CCSER1: variants seen among roughly 807,000 people sequenced by gnomAD.
CCSER1 encodes serine-rich coiled-coil domain-containing protein 1.
A neutral mutation model predicts 82.0 loss-of-function variants in CCSER1; 41 were observed. That is an observed-to-expected ratio of 0.50 (90% CI 0.39 to 0.65). The LOEUF is 0.65. CCSER1 is among the 30% of genes least tolerant of loss of function. The pLI is 0.00. For missense variants in CCSER1, 1,119 were observed against 1,064.2 expected (o/e 1.05, Z -0.72); for synonymous variants, 414 against 383.9 (o/e 1.08, Z -0.92).
intron 9 of CCSER1, among the ~76,000 whole-genome samples, chr4:90,968,395 C>T (rs1254584353): frequency 6.6e-6 from 1 of 151,946 alleles, no homozygotes; most frequent in South Asian, 2.1e-4. Context: ...CATGTGTGCC[C>T]CCACAGATAG....
At chr4:90,913,625 A>G (rs1448074926) in intron 8 of CCSER1, among the ~76,000 whole-genome samples, 2 of 152,220 alleles carry the variant, frequency 1.3e-5, no homozygotes, top group Non-Finnish European at 2.9e-5. Flanking sequence ...TGACAGGATC[A>G]AATTCACACA....
chr4:90,619,926 A>G (rs1046565981), intron 5 of CCSER1, among the ~76,000 whole-genome samples: 6 of 152,108 alleles, frequency 3.9e-5, no homozygotes, highest in African/African-American at 1.4e-4. Context: ...AGAGAAAAAT[A>G]CTCATGACAT....
chr4:91,376,855 C>A (rs902754542), intron 10 of CCSER1, among the ~76,000 whole-genome samples: 1 of 151,734 alleles, frequency 6.6e-6, no homozygotes, highest in Non-Finnish European at 1.5e-5. Context: ...TGTGCTGCAC[C>A]CATTAACTCA....
In CCSER1 at chr4:91,217,885, C is replaced by T. The variant is rs183182830; in HGVS notation, c.2217+131891C>T. Among the ~76,000 whole-genome samples, 10 of 152,372 alleles carry T rather than the reference C, an allele frequency of 6.6e-5. 1 individual carries two copies. Among genetic ancestry groups the T allele is most frequent in the South Asian group, 4.1e-4 (2 of 4,832 alleles). ...TAAAGACTCTCCACTCCCCACCAGA[C>T]TCAGGAGCCCAGCTGGCTTCACCTA... On this transcript the variant is annotated intron_variant, in intron 10 of 10. Transcript: ENST00000509176.
At chr4:91,336,407 A>G (rs867566376) in intron 10 of CCSER1, among the ~76,000 whole-genome samples, 20 of 152,230 alleles carry the variant, frequency 1.3e-4, no homozygotes, top group Middle Eastern at 6.8e-3. Context: ...TTAAGACTTA[A>G]TTATTAATTC....
rs556784482 is a variant in CCSER1, at chr4:90,203,821, G to A, written c.-42+75990G>A. Among the ~76,000 whole-genome samples, 9 of 152,198 alleles carry A rather than the reference G, an allele frequency of 5.9e-5. No individual in the cohort carries two copies. The East Asian group carries it at 7.7e-4, about 13-fold the overall frequency. The stretch of plus-strand genomic sequence containing the variant: ...ACACTCCCACCAACAGTGTAAAAGC[G>A]TTCCTATTGCTCCACATCATCTCCA... On this transcript the variant is annotated intron_variant, in intron 1 of 10. Transcript: ENST00000509176.
Position 91,434,198 on chromosome 4 carries a change from T to G in CCSER1, c.2218-164374T>G, listed in dbSNP as rs768959108. Among the ~76,000 whole-genome samples, 7 of 97,960 alleles carry G rather than the reference T, an allele frequency of 7.1e-5. No individual in the cohort carries two copies. The South Asian group carries it at 7.8e-4, about 11-fold the overall frequency. The allele number at this position is 97,960 out of a possible 152,430, so 64.3% of individuals were successfully genotyped here. A position where few individuals can be genotyped will look rare whatever the true frequency, so the allele number is the denominator to read the frequency against. ...TTAACTGCTACAGACTTTTTGTTTG[T>G]TTTTTTTTTGTTTATTTGTGGAATC... On this transcript the variant is annotated intron_variant, in intron 10 of 10. Transcript: ENST00000509176.
At chr4:90,885,278 C>A (rs1381426775) in intron 8 of CCSER1, among the ~76,000 whole-genome samples, 1 of 152,008 alleles carries the variant, frequency 6.6e-6, no homozygotes, top group Non-Finnish European at 1.5e-5. Flanking sequence ...AAAGAGCATA[C>A]CTGCTGAAAG....
intron 4 of CCSER1, among the ~76,000 whole-genome samples, chr4:90,411,056 C>G (rs145347389): frequency 4.6e-4 from 70 of 152,166 alleles, no homozygotes; most frequent in African/African-American, 1.6e-3. Flanking sequence ...ACACATACAC[C>G]TCCTAAGGCT....
At chr4:90,880,636 C>G (rs1385157737) in intron 8 of CCSER1, among the ~76,000 whole-genome samples, 5 of 152,172 alleles carry the variant, frequency 3.3e-5, no homozygotes, top group South Asian at 2.1e-4. Context: ...ACTCACTCAG[C>G]TCTGGCAAGA....
chr4:91,457,234 T>G (rs1756230592), intron 10 of CCSER1, among the ~76,000 whole-genome samples: 1 of 152,190 alleles, frequency 6.6e-6, no homozygotes, highest in Non-Finnish European at 1.5e-5. Context: ...ACACATATAT[T>G]TAATCAGTAC....
intron 10 of CCSER1, among the ~76,000 whole-genome samples, chr4:91,348,798 G>C (rs1374780175): frequency 6.6e-6 from 1 of 151,876 alleles, no homozygotes; most frequent in Admixed American, 6.6e-5. Flanking sequence ...AATGATAGTT[G>C]CTTTTTTATT....
At chr4:91,567,278 G>A (rs962398773) in intron 10 of CCSER1, among the ~76,000 whole-genome samples, 9 of 152,034 alleles carry the variant, frequency 5.9e-5, no homozygotes, top group African/African-American at 2.2e-4. Context: ...TTTTACATTT[G>A]TTGAGGATTG....
intron 10 of CCSER1, among the ~76,000 whole-genome samples, chr4:91,192,071 C>T (rs1441653078): frequency 5.9e-5 from 9 of 152,136 alleles, no homozygotes; most frequent in Non-Finnish European, 1.0e-4. Context: ...AATAAAAAAG[C>T]TTACTGCTAA....
chr4:90,201,940 G>A (rs1326566883), intron 1 of CCSER1, among the ~76,000 whole-genome samples: 1 of 152,078 alleles, frequency 6.6e-6, no homozygotes, highest in African/African-American at 2.4e-5. Flanking sequence ...TTACTATTAA[G>A]GAAAGTTGAT....
chr4:91,089,862 T>A (rs72886698), intron 10 of CCSER1, among the ~76,000 whole-genome samples: 1,545 of 152,298 alleles, frequency 0.01, 23 homozygotes, highest in African/African-American at 0.035. Flanking sequence ...TGATCATCTA[T>A]GTGGAAACAG....
At chr4:91,153,905 T>G (rs1354069369) in intron 10 of CCSER1, among the ~76,000 whole-genome samples, 1 of 151,846 alleles carries the variant, frequency 6.6e-6, no homozygotes, top group Non-Finnish European at 1.5e-5. Context: ...CTGTATGAGG[T>G]GTCAGTCGGC....
At chr4:90,839,588 G>C (rs58547412) in intron 8 of CCSER1, among the ~76,000 whole-genome samples, 1,869 of 152,312 alleles carry the variant, frequency 0.012, 49 homozygotes, top group African/African-American at 0.043. Flanking sequence ...CCTGCTTTAA[G>C]TGTGTTTATC....
At chr4:91,167,385 C>T (rs1437862220) in intron 10 of CCSER1, among the ~76,000 whole-genome samples, 1 of 151,996 alleles carries the variant, frequency 6.6e-6, no homozygotes, top group Non-Finnish European at 1.5e-5. Context: ...AGGGTTTCAC[C>T]ATCTTGGCCA....
Sources: allele counts gnomAD v4.1 joint callset (sites outside exome capture counted in the v4.1 genomes callset), GRCh38; gene constraint gnomAD v4.1.1; transcripts MANE v1.5; gene names NCBI Gene and HGNC (gene_info 2026-07-23, HGNC 2026-07-21).